The following ADAMTS9 variants were observed in gnomAD, a reference collection of about 807,000 sequenced individuals.
ADAMTS9 encodes ADAM metallopeptidase with thrombospondin type 1 motif 9.
Under a neutral mutation model 257.1 loss-of-function variants are expected in ADAMTS9, and 107 were observed. The ratio of observed to expected loss-of-function variants is 0.42; its 90% CI spans 0.36 to 0.49. The LOEUF (loss-of-function observed/expected upper bound fraction) is 0.49, where lower values mean the gene tolerates loss of function less well. Ranked by LOEUF, ADAMTS9 falls within the 20% of genes least tolerant of loss-of-function variation. ADAMTS9 has a pLI of 0.03. For synonymous variants in ADAMTS9, 982 were observed against 880.9 expected, an observed-to-expected ratio of 1.11 and a Z score of -2.03; for missense variants, 2,353 against 2,469.1, an observed-to-expected ratio of 0.95 and a Z score of 1.00.
intron 22 of ADAMTS9, among the ~76,000 whole-genome samples, chr3:64,610,505 A>AT (rs5849607): frequency 6.6e-6 from 1 of 151,644 alleles, no homozygotes; most frequent in Admixed American, 6.6e-5. Flanking sequence ...CACAATTCAT[A>AT]TTTTTTTTTA....
chr3:64,675,679 T>C (rs1434200921), intron 3 of ADAMTS9, among the ~76,000 whole-genome samples: 1 of 152,190 alleles, frequency 6.6e-6, no homozygotes, highest in East Asian at 1.9e-4. Context: ...GTGTTTTCTA[T>C]GCAATTTGGC....
At chr3:64,613,035 A>G (rs2084695469) in intron 22 of ADAMTS9, among the ~76,000 whole-genome samples, 1 of 152,162 alleles carries the variant, frequency 6.6e-6, no homozygotes, top group South Asian at 2.1e-4. Context: ...GAGGCACGCT[A>G]GAAGATAACA....
At chr3:64,645,073 C>T (rs147149803) in intron 11 of ADAMTS9, among the ~76,000 whole-genome samples, 37 of 152,258 alleles carry the variant, frequency 2.4e-4, no homozygotes, top group African/African-American at 7.7e-4. Flanking sequence ...GGGAAACATG[C>T]ACCAAGATAA....
In ADAMTS9 at chr3:64,621,166, G is replaced by C; in HGVS notation, c.2761C>G (p.Leu921Val). 4 of 1,613,936 alleles carry C rather than the reference G, an allele frequency of 2.5e-6. No homozygotes were observed. The South Asian group carries it at 4.4e-5, about 18-fold the overall frequency. Residue 921 changes from leucine (L) to valine (V), a missense_variant, in exon 19 of 40, where the codon CTG becomes GTG. Leu to Val is a conservative substitution (Grantham distance 32). Around this residue, in one of 3 missense-constraint regions of ADAMTS9, gnomAD observed 1,402 missense variants for 1,441.4 expected, o/e 0.97. Transcript: ENST00000498707. ...TCAGTAATGTGTCCAGGCTGGGGCAGCCGATCGCATCTTTGATCAGAAACA... is the reference window on the plus strand; with the variant it reads ...TCAGTAATGTGTCCAGGCTGGGGCACCCGATCGCATCTTTGATCAGAAACA... ...LTVSDQRCDRLPQPGHITEPC... is the reference protein window; with the variant it reads ...LTVSDQRCDRVPQPGHITEPC...
chr3:64,625,987 G>A (rs77747505), intron 16 of ADAMTS9, among the ~76,000 whole-genome samples: 3,826 of 152,218 alleles, frequency 0.025, 131 homozygotes, highest in African/African-American at 0.079. Flanking sequence ...AGTGTGTAGC[G>A]TCTGAAGTCT....
rs1221836219 is a variant in ADAMTS9 at position 64,594,309 on chromosome 3, G to A, written c.4305C>T (p.Asn1435=). The A allele has an allele frequency of 1.9e-6, 3 of 1,613,322 alleles. No homozygotes were observed. Among genetic ancestry groups the A allele is most frequent in the Admixed American group, 1.7e-5 (1 of 59,942 alleles). The change falls in exon 28 of 40, where the codon AAC becomes AAT. Residue 1435 remains asparagine, a synonymous_variant. Coordinates refer to ENST00000498707, the MANE Select transcript of ADAMTS9 (RefSeq NM_182920.2). The part of the protein sequence containing the change: ...LDKPPDREQC[N]THACPHDAAW... The stretch of plus-strand genomic sequence containing the variant: ...CAGCGTCGTGTGGACAAGCATGTGT[G>A]TTACACTGCTCACGATCGGGAGGTT...
At chr3:64,676,621 T>C (rs184883918) in intron 3 of ADAMTS9, among the ~76,000 whole-genome samples, 130 of 152,332 alleles carry the variant, frequency 8.5e-4, no homozygotes, top group Admixed American at 2.6e-3. Context: ...CCATCATTTT[T>C]AACAGCTGCA....
chr3:64,649,417 T>C (rs141004102), intron 10 of ADAMTS9, among the ~76,000 whole-genome samples: 18 of 152,308 alleles, frequency 1.2e-4, no homozygotes, highest in Non-Finnish European at 2.4e-4. Context: ...TTTTGGACTG[T>C]CACGAGGATG....
intron 29 of ADAMTS9, among the ~76,000 whole-genome samples, chr3:64,564,575 T>C (rs1221710248): frequency 6.6e-6 from 1 of 152,034 alleles, no homozygotes. Context: ...CAGTATATGC[T>C]AGTATACTGA....
At position 64,541,888 on chromosome 3, in the gene ADAMTS9, T is replaced by C. The variant is rs1398704260; in HGVS notation, c.5147A>G (p.His1716Arg). 2 of 1,614,186 alleles carry C rather than the reference T, an allele frequency of 1.2e-6. No individual in the cohort carries two copies. The highest frequency in any genetic ancestry group is 1.7e-6 in the Non-Finnish European group (2 of 1,180,022). The change falls in exon 33 of 40, where the codon CAC (histidine) becomes CGC (arginine). Residue 1716 changes from histidine to arginine, a missense_variant. His to Arg is a conservative substitution (Grantham distance 29). Around this residue, in one of 3 missense-constraint regions of ADAMTS9, gnomAD observed 1,402 missense variants for 1,441.4 expected, o/e 0.97. Transcript: ENST00000498707. ...TCGTTCTTCTGGCTTCAGATCAGTGTGGCATAAGTGGCTGGGTTGGTCCTC... is the reference window on the plus strand; with the variant it reads ...TCGTTCTTCTGGCTTCAGATCAGTGCGGCATAAGTGGCTGGGTTGGTCCTC... ...TNEDQPSHLCHTDLKPEERKT... is the reference protein window; with the variant it reads ...TNEDQPSHLCRTDLKPEERKT...
intron 16 of ADAMTS9, among the ~76,000 whole-genome samples, chr3:64,623,971 C>T (rs1700167764): frequency 6.6e-6 from 1 of 151,550 alleles, no homozygotes; most frequent in African/African-American, 2.4e-5. Context: ...AAAATGTTGG[C>T]CAAATGAGAA....
At position 64,597,004 on chromosome 3, in the gene ADAMTS9, G is replaced by A. The variant is rs1559784057; in HGVS notation, c.4018-13C>T. ...AGGTACTGGAACACTAAACACATCA[G>A]TCGACAAGTTAATCCCCACCTCAAT... On this transcript the variant is annotated splice_polypyrimidine_tract_variant and intron_variant, in intron 26 of 39. Coordinates refer to ENST00000498707, the MANE Select transcript of ADAMTS9 (RefSeq NM_182920.2). 6.2e-7 allele frequency: 1 copy of A among 1,613,408 alleles called. No homozygotes were observed. Among genetic ancestry groups the A allele is most frequent in the South Asian group, 1.1e-5 (1 of 91,000 alleles).
intron 29 of ADAMTS9, 61 bp from the exon 30 acceptor site, chr3:64,561,812 G>C: frequency 8.4e-7 from 1 of 1,189,752 alleles, no homozygotes; most frequent in Non-Finnish European, 1.2e-6. Flanking sequence ...GGGGGCGGGG[G>C]GTGTCGAGGG....
chr3:64,683,586 A>G (rs1382886618), intron 2 of ADAMTS9, among the ~76,000 whole-genome samples: 5 of 152,158 alleles, frequency 3.3e-5, no homozygotes, highest in Non-Finnish European at 5.9e-5. Context: ...ATGAGATAAT[A>G]CATATGTAAA....
chr3:64,630,750 C>T (rs1462103949), intron 16 of ADAMTS9, among the ~76,000 whole-genome samples: 3 of 152,082 alleles, frequency 2.0e-5, no homozygotes, highest in African/African-American at 7.2e-5. Flanking sequence ...CAAACCCGCA[C>T]ATCTTGAACA....
rs149188165 is a variant in ADAMTS9, at chr3:64,681,301, T to A, written c.579A>T (p.Glu193Asp). 377 of 1,614,096 alleles carry A rather than the reference T, an allele frequency of 2.3e-4. 3 individuals are homozygous for A. In the East Asian group the frequency reaches 2.5e-3, roughly 11 times the overall value. Residue 193 changes from glutamate (E) to aspartate (D), a missense_variant, in exon 3 of 40, where the codon GAA (glutamate) becomes GAT (aspartate). By Grantham distance (45) the Glu-to-Asp change is conservative. Around this residue, in one of 3 missense-constraint regions of ADAMTS9, gnomAD observed 591 missense variants for 569.6 expected, o/e 1.04. Coordinates refer to ENST00000498707, the MANE Select transcript of ADAMTS9 (RefSeq NM_182920.2). ...TGTTTTGTTCCTCTTCATCTTCTTGTTCATCCATAGACTGTAGTGGTTCAA... is the reference window on the plus strand; with the variant it reads ...TGTTTTGTTCCTCTTCATCTTCTTGATCATCCATAGACTGTAGTGGTTCAA... ...YFIEPLQSMD[E>D]QEDEEEQNKP...
intron 16 of ADAMTS9, among the ~76,000 whole-genome samples, chr3:64,629,975 C>T (rs1181447657): frequency 1.3e-5 from 2 of 152,140 alleles, no homozygotes; most frequent in Admixed American, 6.5e-5. Context: ...TGAATATGTC[C>T]AAATGCTTAG....
At chr3:64,670,710 C>T (rs1396006477) in intron 3 of ADAMTS9, among the ~76,000 whole-genome samples, 2 of 152,132 alleles carry the variant, frequency 1.3e-5, no homozygotes, top group Non-Finnish European at 1.5e-5. Flanking sequence ...GGCTGAAAGA[C>T]TTGAACAGAC....
chr3:64,594,009 G>A (rs1210470164), intron 28 of ADAMTS9, among the ~76,000 whole-genome samples: 1 of 146,628 alleles, frequency 6.8e-6, no homozygotes, highest in Non-Finnish European at 1.5e-5. Context: ...GTGTATTTAG[G>A]CTAAGAAAAG....
Sources: allele counts gnomAD v4.1 joint callset (sites outside exome capture counted in the v4.1 genomes callset), GRCh38; gene constraint gnomAD v4.1.1; regional missense constraint gnomAD v4.1.1; transcripts MANE v1.5; gene names NCBI Gene and HGNC (gene_info 2026-07-23, HGNC 2026-07-21).